CTNNA2: variants seen among roughly 807,000 people sequenced by gnomAD.
CTNNA2 encodes the protein catenin alpha 2, also known as catenin alpha-2.
In CTNNA2, 42 loss-of-function variants were observed where a neutral mutation model predicts 101.0. The observed-to-expected ratio is 0.42, with a 90% CI of 0.32 to 0.54. The LOEUF is 0.54. Ranked by LOEUF, CTNNA2 falls within the 20% of genes least tolerant of loss-of-function variation. The probability of loss-of-function intolerance (pLI) is 0.14; values close to 1 mark genes in which losing one functional copy is unlikely to be tolerated. For missense variants in CTNNA2, 871 were observed against 1,223.1 expected, an observed-to-expected ratio of 0.71 and a Z score of 4.29; for synonymous variants, 450 against 456.4, an observed-to-expected ratio of 0.99 and a Z score of 0.18.
At chr2:80,016,734 TA>T (rs964000668) in intron 7 of CTNNA2, among the ~76,000 whole-genome samples, 6 of 152,210 alleles carry the variant, frequency 3.9e-5, no homozygotes, top group Non-Finnish European at 7.3e-5. Context: ...GTTTGTTTTT[TA>T]TTGATTGGTG....
chr2:79,808,015 A>G (rs1207060500), intron 3 of CTNNA2, among the ~76,000 whole-genome samples: 1 of 152,198 alleles, frequency 6.6e-6, no homozygotes, highest in Non-Finnish European at 1.5e-5. Flanking sequence ...ATCATGATCT[A>G]TGATATTAAA....
intron 7 of CTNNA2, among the ~76,000 whole-genome samples, chr2:80,111,975 A>G (rs979346735): frequency 6.6e-6 from 1 of 152,222 alleles, no homozygotes; most frequent in Admixed American, 6.5e-5. Flanking sequence ...TGTTCTAGGC[A>G]CTGATGATAC....
chr2:80,468,206 T>G (rs1033697842), intron 9 of CTNNA2, among the ~76,000 whole-genome samples: 1 of 152,074 alleles, frequency 6.6e-6, no homozygotes. Context: ...CAGGGCGAAG[T>G]CTTCTGAATA....
chr2:80,225,312 C>T (rs1184320434), intron 7 of CTNNA2, among the ~76,000 whole-genome samples: 1 of 152,178 alleles, frequency 6.6e-6, no homozygotes, highest in East Asian at 1.9e-4. Flanking sequence ...ATCTAAACTG[C>T]AAACACAGGT....
At chr2:80,040,067 T>A (rs1695938115) in intron 7 of CTNNA2, among the ~76,000 whole-genome samples, 1 of 152,224 alleles carries the variant, frequency 6.6e-6, no homozygotes, top group Non-Finnish European at 1.5e-5. Flanking sequence ...TGTCAAAGCT[T>A]TTCAATTTAT....
chr2:80,091,544 C>T (rs952847255), intron 7 of CTNNA2, among the ~76,000 whole-genome samples: 1 of 152,084 alleles, frequency 6.6e-6, no homozygotes, highest in Non-Finnish European at 1.5e-5. Context: ...CAGCAGGATA[C>T]TCTCCGCCTG....
chr2:80,534,224 G>A (rs1291335288), intron 9 of CTNNA2, among the ~76,000 whole-genome samples: 1 of 152,136 alleles, frequency 6.6e-6, no homozygotes, highest in Non-Finnish European at 1.5e-5. Flanking sequence ...TTTTATAGAT[G>A]TATAACTGTA....
At chr2:80,619,054 TTC>T (rs1288423389) in intron 17 of CTNNA2, 29 bp from the exon 18 acceptor site, 7 of 1,342,238 alleles carry the variant, frequency 5.2e-6, no homozygotes, top group East Asian at 2.7e-5. Flanking sequence ...CTCTCTCTCA[TTC>T]TCTCTTTTCT....
At chr2:80,611,400 A>G (rs1348955945) in intron 17 of CTNNA2, among the ~76,000 whole-genome samples, 2 of 151,628 alleles carry the variant, frequency 1.3e-5, no homozygotes, top group East Asian at 1.9e-4. Flanking sequence ...CATGTCTTGA[A>G]TTAGTTTAGT....
intron 7 of CTNNA2, among the ~76,000 whole-genome samples, chr2:79,970,683 C>A (rs866313739): frequency 2.6e-5 from 4 of 152,140 alleles, no homozygotes; most frequent in Middle Eastern, 3.4e-3. Flanking sequence ...GTATTAGATA[C>A]AATAATAATA....
At chr2:80,451,514 A>G (rs1229494808) in intron 9 of CTNNA2, among the ~76,000 whole-genome samples, 1 of 152,166 alleles carries the variant, frequency 6.6e-6, no homozygotes, top group African/African-American at 2.4e-5. Flanking sequence ...GAGCAGACTA[A>G]TACACTGACC....
At chr2:80,530,713 G>C (rs7559453) in intron 9 of CTNNA2, among the ~76,000 whole-genome samples, 2 of 151,930 alleles carry the variant, frequency 1.3e-5, no homozygotes, top group Non-Finnish European at 2.9e-5. Context: ...GGATGGTTTC[G>C]ATAGCACTGT....
At chr2:79,650,665 T>C (rs1267908362) in intron 1 of CTNNA2, among the ~76,000 whole-genome samples, 4 of 151,796 alleles carry the variant, frequency 2.6e-5, no homozygotes, top group Non-Finnish European at 4.4e-5. Flanking sequence ...CTTCAAGTTT[T>C]AGGGTACATG....
intron 7 of CTNNA2, among the ~76,000 whole-genome samples, chr2:79,919,755 C>T (rs1574312894): frequency 6.6e-6 from 1 of 152,322 alleles, no homozygotes; most frequent in East Asian, 1.9e-4. Context: ...TCCCGAATGG[C>T]TTGTTCCAAA....
At chr2:80,598,005 A>G (rs1250852057) in intron 15 of CTNNA2, among the ~76,000 whole-genome samples, 3 of 152,210 alleles carry the variant, frequency 2.0e-5, no homozygotes, top group Admixed American at 2.0e-4. Context: ...ACTTGCATAT[A>G]TGTATGTTTA....
intron 7 of CTNNA2, among the ~76,000 whole-genome samples, chr2:80,253,841 T>G (rs1419706975): frequency 1.3e-5 from 2 of 152,178 alleles, no homozygotes; most frequent in Non-Finnish European, 2.9e-5. Context: ...TTGGGCCTCT[T>G]TCTCCTACTT....
intron 7 of CTNNA2, among the ~76,000 whole-genome samples, chr2:79,981,800 C>T (rs1022363217): frequency 4.0e-5 from 6 of 151,874 alleles, no homozygotes; most frequent in Non-Finnish European, 8.8e-5. Context: ...GTGTAAATAC[C>T]TAACTAATGT....
intron 7 of CTNNA2, among the ~76,000 whole-genome samples, chr2:79,921,889 C>A (rs1686681605): frequency 6.6e-6 from 1 of 152,158 alleles, no homozygotes; most frequent in Non-Finnish European, 1.5e-5. Context: ...ATTCTTATAT[C>A]TGTGTATCAG....
chr2:80,334,331 G>A (rs1345912629), intron 7 of CTNNA2, among the ~76,000 whole-genome samples: 1 of 151,968 alleles, frequency 6.6e-6, no homozygotes, highest in Non-Finnish European at 1.5e-5. Flanking sequence ...CCCAAATCTG[G>A]GCATATCTCT....
Sources: gnomAD v4.1 joint callset for allele counts (sites outside exome capture counted in the v4.1 genomes callset) on GRCh38, gnomAD v4.1.1 for gene constraint, MANE v1.5 for transcripts, NCBI Gene and HGNC (gene_info 2026-07-23, HGNC 2026-07-21) for gene names.